The following ZNF391 variants were observed in gnomAD, a reference collection of about 807,000 sequenced individuals.
ZNF391 encodes the protein zinc finger protein 391.
For synonymous variants in ZNF391, 126 were observed against 142.1 expected, an observed-to-expected ratio of 0.89 and a Z score of 0.80; for missense variants, 375 against 425.5, an observed-to-expected ratio of 0.88 and a Z score of 1.04.
Position 27,402,140 on chromosome 6 carries a change from T to A in ZNF391, c.*693T>A, listed in dbSNP as rs1301399304. 1 of 152,270 alleles carries A rather than the reference T, an allele frequency of 6.6e-6. No homozygotes were observed. Among genetic ancestry groups the A allele is most frequent in the Non-Finnish European group, 1.5e-5 (1 of 68,054 alleles). The allele number at this position is 152,270 out of a possible 1,614,324, so 9.4% of individuals were successfully genotyped here. On this transcript the variant is annotated 3_prime_UTR_variant, in exon 3 of 3. Transcript: ENST00000244576. Reference sequence around the variant, plus strand: ...CCTAACTAATCCTAGTGTTATTTTATCATATTTTTACCAAGAATGTTCTAA... The same window carrying A: ...CCTAACTAATCCTAGTGTTATTTTAACATATTTTTACCAAGAATGTTCTAA...
upstream of ZNF391, among the ~76,000 whole-genome samples, chr6:27,385,045 A>T (rs546061328): frequency 1.3e-5 from 2 of 151,902 alleles, no homozygotes; most frequent in African/African-American, 4.8e-5. Flanking sequence ...TTTTTTTATT[A>T]TAAGGTACTT....
chr6:27,388,083 G>T (rs1761612871), upstream of ZNF391, among the ~76,000 whole-genome samples: 1 of 151,966 alleles, frequency 6.6e-6, no homozygotes, highest in Admixed American at 6.6e-5. Flanking sequence ...CACTCTTCTA[G>T]TTCCTCAACT....
Position 27,400,969 on chromosome 6 carries a change from AAGCCTTT to A in ZNF391, c.604_610del (p.Phe202GlufsTer33). 1 of 1,614,242 alleles carries A rather than the reference AAGCCTTT, an allele frequency of 6.2e-7. No individual in the cohort carries two copies. Among genetic ancestry groups the A allele is most frequent in the Non-Finnish European group, 8.5e-7 (1 of 1,180,046 alleles). On this transcript the variant is annotated frameshift_variant, in exon 3 of 3. Transcript: ENST00000244576. LOFTEE classifies it low-confidence loss of function (END_TRUNC). Reference sequence around the variant, plus strand: ...CCATATGAATGTAGTGAATGTGGAAAAGCCTTTAGCCGAAGCACTAACCTTAGTCAGC... The same window carrying A: ...CCATATGAATGTAGTGAATGTGGAAAAGCCGAAGCACTAACCTTAGTCAGC...
Position 27,403,369 on chromosome 6 carries a change from C to T in ZNF391, c.*1922C>T, listed in dbSNP as rs1317980916. On this transcript the variant is annotated 3_prime_UTR_variant, in exon 3 of 3. Transcript: ENST00000244576. ...ATGTCCTACTTTCTTCGTTGTATTCCAGAAACCCTATCCACCCTTTTTTAA... is the reference window on the plus strand; with the variant it reads ...ATGTCCTACTTTCTTCGTTGTATTCTAGAAACCCTATCCACCCTTTTTTAA... 1.3e-5 allele frequency: 2 copies of T among 152,126 alleles called. No homozygotes were observed. Among genetic ancestry groups the T allele is most frequent in the African/African-American group, 4.8e-5 (2 of 41,430 alleles). 9.4% of individuals were successfully genotyped at this position (152,126 alleles called of 1,614,324 possible).
chr6:27,376,839 C>A lies in ZNF391; in HGVS notation n.523+1702C>A, dbSNP rs1364809605. Among the ~76,000 whole-genome samples the A allele has an allele frequency of 6.6e-6, 1 of 152,086 alleles. No homozygotes were observed. Among genetic ancestry groups the A allele is most frequent in the Non-Finnish European group, 1.5e-5 (1 of 68,014 alleles). ...CTGCACTCCAGCCTGGGCGACAAAG[C>A]AAGACTCCCTCTCAAAATAAATAAA... On this transcript the variant is annotated intron_variant and non_coding_transcript_variant, in intron 1 of 2. Transcript: ENST00000477999. This position sits in a 1 kb window ranked among gnomAD's most constrained non-coding sequence, Gnocchi z 4.7.
At chr6:27,389,960 G>A (rs943897239) in intron 1 of ZNF391, among the ~76,000 whole-genome samples, 8 of 152,124 alleles carry the variant, frequency 5.3e-5, no homozygotes, top group African/African-American at 1.9e-4. Context: ...CTTTATGTGT[G>A]AGTTTGTGCT....
At chr6:27,386,206 C>T (rs60762407), upstream of ZNF391, among the ~76,000 whole-genome samples, 1 of 150,332 alleles carries the variant, frequency 6.7e-6, no homozygotes, top group African/African-American at 2.4e-5. Context: ...TAAATTTAAC[C>T]AAGGAAGTGA....
At chr6:27,389,209 G>A (rs764338562) in intron 1 of ZNF391, 134 bp downstream of exon 1, 1 of 456,650 alleles carries the variant, frequency 2.2e-6, no homozygotes, top group South Asian at 1.5e-5. Flanking sequence ...GTGGCGTGGG[G>A]TCATGAAGCC....
intron 1 of ZNF391, among the ~76,000 whole-genome samples, chr6:27,377,723 A>G (rs1471840719): frequency 6.6e-6 from 1 of 152,218 alleles, no homozygotes; most frequent in Non-Finnish European, 1.5e-5. Context: ...TGTCATCAGG[A>G]CTTCCTGAGA....
intron 1 of ZNF391, among the ~76,000 whole-genome samples, chr6:27,396,029 A>G (rs929483942): frequency 2.6e-5 from 4 of 152,142 alleles, no homozygotes; most frequent in African/African-American, 7.2e-5. Flanking sequence ...TAACTTACCT[A>G]CTGGGAGATG....
intron 1 of ZNF391, among the ~76,000 whole-genome samples, chr6:27,392,093 C>T (rs1761726407): frequency 6.6e-6 from 1 of 152,068 alleles, no homozygotes; most frequent in South Asian, 2.1e-4. Flanking sequence ...GACATAAAAC[C>T]AGATTGTTTA....
rs199506437 is a variant in ZNF391, at chr6:27,401,158, C to T, written c.788C>T (p.Ser263Leu). ...GGAAAAGCTTTCAGTTGGATCTCATCGCTTACTGAACATCAGAGAACACAC... is the reference window on the plus strand; with the variant it reads ...GGAAAAGCTTTCAGTTGGATCTCATTGCTTACTGAACATCAGAGAACACAC... ...KCGKAFSWISSLTEHQRTHTG... is the reference protein window; with the variant it reads ...KCGKAFSWISLLTEHQRTHTG... The change falls in exon 3 of 3, where the codon TCG becomes TTG. Residue 263 changes from serine (S) to leucine (L), a missense_variant. Ser to Leu is a moderately radical substitution (Grantham distance 145). Coordinates refer to ENST00000244576, the MANE Select transcript of ZNF391 (RefSeq NM_001076781.3). The T allele has an allele frequency of 9.5e-5, 154 of 1,614,022 alleles. No homozygotes were observed. Among genetic ancestry groups the T allele is most frequent in the Non-Finnish European group, 1.3e-4 (148 of 1,180,014 alleles).
In ZNF391 at chr6:27,401,662, C is replaced by T. The variant is rs1761973798; in HGVS notation, c.*215C>T. 2.4e-6 allele frequency: 1 copy of T among 421,672 alleles called. No homozygotes were observed. Among genetic ancestry groups the T allele is most frequent in the East Asian group, 3.5e-5 (1 of 28,366 alleles). 26.1% of individuals were successfully genotyped at this position (421,672 alleles called of 1,614,324 possible). A position where few individuals can be genotyped will look rare whatever the true frequency, so the allele number is the denominator to read the frequency against. On this transcript the variant is annotated 3_prime_UTR_variant, in exon 3 of 3. Transcript: ENST00000244576. ...CTTCCCTCCTTCCTACTTTTTCTCC[C>T]TCTCCCTGTTCTTTCTTTCTCTTTT...
At chr6:27,389,164 C>T (rs1308005882) in intron 1 of ZNF391, 89 bp downstream of exon 1, 1 of 456,610 alleles carries the variant, frequency 2.2e-6, no homozygotes, top group South Asian at 1.5e-5. Context: ...GGCTGCAGGT[C>T]GGGTCAGGAG....
At chr6:27,388,647 GA>G (rs1403760815), upstream of ZNF391, 3 of 315,550 alleles carry the variant, frequency 9.5e-6, no homozygotes, top group Non-Finnish European at 1.2e-5. Context: ...CATACCAGGG[GA>G]GGGGCTTTGC....
At chr6:27,391,352 C>T (rs6936951) in intron 1 of ZNF391, among the ~76,000 whole-genome samples, 107,119 of 151,580 alleles carry the variant, frequency 0.71, 38,076 homozygotes, top group Middle Eastern at 0.8. Flanking sequence ...ATTACAGGTG[C>T]CCACCACCAC....
chr6:27,392,238 G>A (rs2113651374), intron 1 of ZNF391, among the ~76,000 whole-genome samples: 1 of 152,196 alleles, frequency 6.6e-6, no homozygotes, highest in African/African-American at 2.4e-5. Flanking sequence ...CACTTCAGTG[G>A]AGGCCAGAGA....
chr6:27,392,518 C>A (rs190013190), intron 1 of ZNF391, among the ~76,000 whole-genome samples: 118 of 152,284 alleles, frequency 7.7e-4, no homozygotes, highest in Non-Finnish European at 1.3e-3. Flanking sequence ...TCCCAAAGTG[C>A]TGGGATTATA....
upstream of ZNF391, among the ~76,000 whole-genome samples, chr6:27,384,259 T>A (rs546886459): frequency 7.9e-5 from 12 of 151,202 alleles, no homozygotes; most frequent in South Asian, 1.7e-3. Flanking sequence ...AGGCCAGGAG[T>A]TCGAGACCAG....
Sources: gnomAD v4.1 joint callset for allele counts (sites outside exome capture counted in the v4.1 genomes callset) on GRCh38, gnomAD v4.1.1 for gene constraint, Gnocchi (gnomAD v3.1) non-coding constraint, MANE v1.5 for transcripts, NCBI Gene and HGNC (gene_info 2026-07-23, HGNC 2026-07-21) for gene names.